Variants in SNW1 observed in about 807,000 individuals in gnomAD.
The protein encoded by SNW1 is SNW domain-containing protein 1.
SNW1 carries 9 observed loss-of-function variants against 75.6 expected under a neutral mutation model. The observed-to-expected ratio is 0.12, with a 90% CI of 0.07 to 0.21. SNW1 has a LOEUF of 0.21. Among genes scored for constraint, SNW1 ranks in the 10% least tolerant of loss-of-function variants. The probability of loss-of-function intolerance (pLI) is 1.00; values close to 1 mark genes in which losing one functional copy is unlikely to be tolerated. For missense variants in SNW1, 409 were observed against 670.9 expected (o/e 0.61, Z 4.31); for synonymous variants, 200 against 219.1 (o/e 0.91, Z 0.77).
intron 2 of SNW1, among the ~76,000 whole-genome samples, chr14:77,751,805 G>GACACAC (rs61135876): frequency 0.058 from 8,057 of 139,336 alleles, 283 homozygotes; most frequent in East Asian, 0.16. Flanking sequence ...GTCATGGGAA[G>GACACAC]ACACACACAC....
At chr14:77,730,927 C>G in intron 10 of SNW1, 61 bp downstream of exon 10, 5 of 1,558,320 alleles carry the variant, frequency 3.2e-6, no homozygotes, top group Non-Finnish European at 3.5e-6. Flanking sequence ...AAAAGATTTT[C>G]TAAAATAAGA....
At chr14:77,739,757 A>T (rs1209292294) in intron 3 of SNW1, among the ~76,000 whole-genome samples, 1 of 152,162 alleles carries the variant, frequency 6.6e-6, no homozygotes, top group African/African-American at 2.4e-5. Flanking sequence ...CTCTTAACAA[A>T]TAGAATACTG....
rs2080621519 is a variant in SNW1 at position 77,730,770 on chromosome 14, T to C, written c.1033+218A>G. ...AGTACACTGCTCAGAAGTTTAAAAA[T>C]TTCTGGTACAGTCCCAAACTGAAGA... On this transcript the variant is annotated intron_variant, in intron 10 of 13. Transcript: ENST00000261531. 1.9e-5 allele frequency: 9 copies of C among 478,356 alleles called. No homozygotes were observed. The South Asian group carries it at 3.1e-4, about 16-fold the overall frequency. The allele number at this position is 478,356 out of a possible 1,614,324, so 29.6% of individuals were successfully genotyped here.
intron 3 of SNW1, among the ~76,000 whole-genome samples, chr14:77,742,507 T>C (rs1242838237): frequency 6.6e-6 from 1 of 152,184 alleles, no homozygotes; most frequent in Non-Finnish European, 1.5e-5. Flanking sequence ...GTGAAACAGA[T>C]ATTTTATTAC....
intron 11 of SNW1, among the ~76,000 whole-genome samples, chr14:77,722,198 A>C (rs561348608): frequency 6.6e-6 from 1 of 152,122 alleles, no homozygotes; most frequent in African/African-American, 2.4e-5. Context: ...CGTTCCCTCT[A>C]CTTTTCAGAA....
At chr14:77,752,424 A>C (rs747276916) in intron 2 of SNW1, among the ~76,000 whole-genome samples, 8 of 152,232 alleles carry the variant, frequency 5.3e-5, no homozygotes, top group Non-Finnish European at 1.0e-4. Context: ...ATCAAGTATA[A>C]TTTTTAAGTA....
intron 1 of SNW1, among the ~76,000 whole-genome samples, chr14:77,757,786 T>C (rs1037517602): frequency 6.6e-6 from 1 of 152,148 alleles, no homozygotes; most frequent in African/African-American, 2.4e-5. Flanking sequence ...CCTTAAATGT[T>C]GTAGGAGAAA....
chr14:77,722,323 G>A (rs1390441929), intron 11 of SNW1, among the ~76,000 whole-genome samples: 1 of 152,034 alleles, frequency 6.6e-6, no homozygotes, highest in Non-Finnish European at 1.5e-5. Flanking sequence ...AGAGTGCTTT[G>A]CAAATTTTCT....
chr14:77,722,258 T>C (rs985427976), intron 11 of SNW1, among the ~76,000 whole-genome samples: 3 of 152,200 alleles, frequency 2.0e-5, no homozygotes, highest in Non-Finnish European at 2.9e-5. Context: ...AATTCCTACT[T>C]TACTCTATGC....
At chr14:77,730,801 T>C in intron 10 of SNW1, 187 bp downstream of exon 10, 3 of 595,052 alleles carry the variant, frequency 5.0e-6, no homozygotes, top group Admixed American at 3.5e-5. Flanking sequence ...GAAGACCCAC[T>C]TTTTTCTTAT....
At chr14:77,727,555 T>C (rs575095245) in intron 10 of SNW1, among the ~76,000 whole-genome samples, 43 of 152,334 alleles carry the variant, frequency 2.8e-4, no homozygotes, top group African/African-American at 9.4e-4. Flanking sequence ...TTTTTAGTTA[T>C]GTTCCTTCTA....
At chr14:77,739,760 G>C (rs1267336533) in intron 3 of SNW1, among the ~76,000 whole-genome samples, 5 of 152,038 alleles carry the variant, frequency 3.3e-5, no homozygotes, top group Admixed American at 2.6e-4. Flanking sequence ...TTAACAAATA[G>C]AATACTGGTT....
intron 1 of SNW1, among the ~76,000 whole-genome samples, chr14:77,758,315 C>CAAAAAAAAAAAAAAAAAAAAAAA (rs55707854): frequency 2.3e-5 from 2 of 85,836 alleles, no homozygotes; most frequent in Non-Finnish European, 4.1e-5. Context: ...GACTCTGCCA[C>CAAAAAAAAAAAAAAAAAAAAAAA]AAAAAAAAAA....
rs536963893 is a variant in SNW1, at chr14:77,717,845, G to A, written c.*243C>T. The A allele has an allele frequency of 7.2e-6, 4 of 555,602 alleles. No homozygotes were observed. Among genetic ancestry groups the A allele is most frequent in the Non-Finnish European group, 1.3e-5 (4 of 316,938 alleles). 34.4% of individuals were successfully genotyped at this position (555,602 alleles called of 1,614,324 possible). ...TAAGTGGTCTTGACTTTGTATGTGGGGCAGCATGTTCTATAAATGCTGAAA... is the reference window on the plus strand; with the variant it reads ...TAAGTGGTCTTGACTTTGTATGTGGAGCAGCATGTTCTATAAATGCTGAAA... On this transcript the variant is annotated 3_prime_UTR_variant, in exon 14 of 14. Transcript: ENST00000261531.
chr14:77,747,837 G>T (rs1409554085), intron 3 of SNW1, among the ~76,000 whole-genome samples: 1 of 150,082 alleles, frequency 6.7e-6, no homozygotes, highest in Non-Finnish European at 1.5e-5. Flanking sequence ...GGGAGGTGGG[G>T]GGCGCCTCTG....
At chr14:77,725,120 C>A (rs1349842282) in intron 10 of SNW1, among the ~76,000 whole-genome samples, 1 of 152,174 alleles carries the variant, frequency 6.6e-6, no homozygotes, top group Non-Finnish European at 1.5e-5. Context: ...TTTTTTCATA[C>A]ACCTGTTGGC....
chr14:77,742,745 T>C (rs753937347), intron 3 of SNW1, among the ~76,000 whole-genome samples: 2 of 151,728 alleles, frequency 1.3e-5, no homozygotes, highest in African/African-American at 4.8e-5. Context: ...TTCGTTTCTT[T>C]AAGAGATAGG....
intron 3 of SNW1, among the ~76,000 whole-genome samples, chr14:77,745,968 G>A (rs2080757745): frequency 1.3e-5 from 2 of 152,142 alleles, no homozygotes; most frequent in South Asian, 4.1e-4. Context: ...AGGCTGCAGC[G>A]AGTCGTTATT....
At chr14:77,753,951 C>A (rs1047942553) in intron 2 of SNW1, among the ~76,000 whole-genome samples, 13 of 150,126 alleles carry the variant, frequency 8.7e-5, no homozygotes, top group African/African-American at 2.7e-4. Context: ...AGATTCCATC[C>A]CAAAAATAAA....
Sources: gnomAD v4.1 joint callset for allele counts (sites outside exome capture counted in the v4.1 genomes callset) on GRCh38, gnomAD v4.1.1 for gene constraint, MANE v1.5 for transcripts, NCBI Gene and HGNC (gene_info 2026-07-23, HGNC 2026-07-21) for gene names.